DLEU7: variants seen among roughly 807,000 people sequenced by gnomAD.
DLEU7 encodes leukemia-associated protein 7.
DLEU7 carries 17 observed loss-of-function variants against 16.0 expected under a neutral mutation model. That is an observed-to-expected ratio of 1.06 (90% CI 0.73 to 1.59). The LOEUF (loss-of-function observed/expected upper bound fraction) is 1.59, where lower values mean the gene tolerates loss of function less well. DLEU7 is among the 40% of genes most tolerant of loss of function. The pLI is 0.00. For synonymous variants in DLEU7, 113 were observed against 139.8 expected, an observed-to-expected ratio of 0.81 and a Z score of 1.35; for missense variants, 308 against 314.9, an observed-to-expected ratio of 0.98 and a Z score of 0.17.
chr13:50,711,779 G>GGGGGGAGGC, downstream of DLEU7: 1 of 135,682 alleles, frequency 7.4e-6, no homozygotes, highest in African/African-American at 3.1e-5. Context: ...TGGCGGGGGC[G>GGGGGGAGGC]GGGGGCATTA....
At chr13:50,725,143 A>T (rs1593529031) in intron 1 of DLEU7, among the ~76,000 whole-genome samples, 1 of 152,056 alleles carries the variant, frequency 6.6e-6, no homozygotes, top group Admixed American at 6.6e-5. Flanking sequence ...GCCAGCAGTG[A>T]CCTACCTTGC....
chr13:50,766,783 G>A (rs1039572753), intron 1 of DLEU7, among the ~76,000 whole-genome samples: 11 of 152,022 alleles, frequency 7.2e-5, no homozygotes, highest in East Asian at 1.9e-4. Flanking sequence ...CCTAAGACTC[G>A]ACACACTTGA....
At chr13:50,796,084 C>CT (rs1876101532) in intron 1 of DLEU7, among the ~76,000 whole-genome samples, 1 of 151,942 alleles carries the variant, frequency 6.6e-6, no homozygotes, top group Non-Finnish European at 1.5e-5. Flanking sequence ...ATATTCCCCC[C>CT]TTATCTGAGG....
At chr13:50,749,854 T>C (rs777585137) in intron 1 of DLEU7, among the ~76,000 whole-genome samples, 1 of 152,224 alleles carries the variant, frequency 6.6e-6, no homozygotes, top group African/African-American at 2.4e-5. Context: ...GTCAGATGTA[T>C]AGATTGTGAA....
At chr13:50,741,359 TA>T (rs1874245719) in intron 1 of DLEU7, among the ~76,000 whole-genome samples, 1 of 152,172 alleles carries the variant, frequency 6.6e-6, no homozygotes, top group Non-Finnish European at 1.5e-5. Flanking sequence ...ATGAACCACC[TA>T]AATCAGAAAG....
intron 1 of DLEU7, among the ~76,000 whole-genome samples, chr13:50,780,065 C>G (rs572767517): frequency 6.6e-6 from 1 of 152,228 alleles, no homozygotes; most frequent in African/African-American, 2.4e-5. Flanking sequence ...AAGTTCTTCC[C>G]TGCAAAAGCT....
chr13:50,734,084 C>G (rs1873995763), intron 1 of DLEU7, among the ~76,000 whole-genome samples: 1 of 152,178 alleles, frequency 6.6e-6, no homozygotes, highest in Non-Finnish European at 1.5e-5. Flanking sequence ...TCTGGAAGTT[C>G]TGAATAATTT....
At chr13:50,838,027 A>G (rs1044806496) in intron 1 of DLEU7, among the ~76,000 whole-genome samples, 3 of 152,306 alleles carry the variant, frequency 2.0e-5, no homozygotes, top group South Asian at 4.1e-4. Context: ...GAAAATTGAT[A>G]GAAACAGGTC....
At chr13:50,832,886 T>C (rs778000443) in intron 1 of DLEU7, among the ~76,000 whole-genome samples, 29 of 151,680 alleles carry the variant, frequency 1.9e-4, no homozygotes, top group Non-Finnish European at 7.4e-5. Context: ...TGCTAAGGAG[T>C]GTTCAACATA....
Position 50,843,457 on chromosome 13 carries a change from CG to C in DLEU7, c.189del (p.Arg65AlafsTer26). 2 of 1,322,610 alleles carry C rather than the reference CG, an allele frequency of 1.5e-6. No individual in the cohort carries two copies. The highest frequency in any genetic ancestry group is 1.9e-6 in the Non-Finnish European group (2 of 1,043,608). 81.9% of individuals were successfully genotyped at this position (1,322,610 alleles called of 1,614,324 possible). ...ACGCCCCCGCCCCGCTCCTCGCGCC[CG>C]GGCCCCGGCCGGGCCCGCGGCGGGC... is the stretch of plus-strand genomic sequence containing the variant. ...RSGPPRARPG[P>X]GREERGGGVG... On this transcript the variant is annotated frameshift_variant, in exon 1 of 2. Transcript: ENST00000504404. LOFTEE classifies it high-confidence loss of function. This position sits in a 1 kb window ranked among gnomAD's most constrained non-coding sequence, Gnocchi z 5.7.
chr13:50,820,744 G>A (rs1170905076), downstream of DLEU7, among the ~76,000 whole-genome samples: 1 of 152,102 alleles, frequency 6.6e-6, no homozygotes, highest in Non-Finnish European at 1.5e-5. Context: ...CTATCTCATA[G>A]AAATATAATG....
rs59737244 is a variant in DLEU7, at chr13:50,814,678, TACACAC to T, written c.459+28504_459+28509del. Among the ~76,000 whole-genome samples, 741 of 140,304 alleles carry T rather than the reference TACACAC, an allele frequency of 5.3e-3. 4 individuals carry two copies. The highest frequency in any genetic ancestry group is 0.013 in the African/African-American group (488 of 38,204). 92.0% of individuals were successfully genotyped at this position (140,304 alleles called of 152,430 possible). A position where few individuals can be genotyped will look rare whatever the true frequency, so the allele number is the denominator to read the frequency against. ...TACAAATCTATACACTACATAGAAC[TACACAC>T]ACACACACACACACACACACACTCG... On this transcript the variant is annotated intron_variant, in intron 1 of 1. Coordinates refer to the DLEU7 transcript ENST00000400393.
In DLEU7 at chr13:50,817,300, C is replaced by A. The variant is rs1876762485; in HGVS notation, c.459+25888G>T. Among the ~76,000 whole-genome samples, 4 of 152,142 alleles carry A rather than the reference C, an allele frequency of 2.6e-5. No homozygotes were observed. In the South Asian group the frequency reaches 8.3e-4, roughly 31 times the overall value. On this transcript the variant is annotated intron_variant, in intron 1 of 1. Transcript: ENST00000400393. ...GTCTGCAAAAAGAGAAATTTATAAA[C>A]TATGGATCAGCTTCAAATACCATTT... is the stretch of plus-strand genomic sequence containing the variant.
At chr13:50,718,153 T>C (rs1456168964) in intron 1 of DLEU7, among the ~76,000 whole-genome samples, 1 of 152,232 alleles carries the variant, frequency 6.6e-6, no homozygotes, top group African/African-American at 2.4e-5. Flanking sequence ...TGTATCAATG[T>C]GCTCCAGGTT....
At chr13:50,781,197 A>C (rs1234438484) in intron 1 of DLEU7, among the ~76,000 whole-genome samples, 3 of 152,208 alleles carry the variant, frequency 2.0e-5, no homozygotes, top group Non-Finnish European at 4.4e-5. Context: ...TGAGAATCTC[A>C]AAGTGCTTTT....
chr13:50,738,962 TACACACACACACACACACACACACAC>T (rs55722607), intron 1 of DLEU7, among the ~76,000 whole-genome samples: 5 of 144,656 alleles, frequency 3.5e-5, no homozygotes, highest in Non-Finnish European at 6.1e-5. Flanking sequence ...TAAAAAATAA[TACACACACACACACACACACACACAC>T]ACACACACAC....
At chr13:50,838,302 G>A (rs1877537610) in intron 1 of DLEU7, among the ~76,000 whole-genome samples, 1 of 152,126 alleles carries the variant, frequency 6.6e-6, no homozygotes, top group African/African-American at 2.4e-5. Context: ...ATCTGCAAGG[G>A]CAAAAACGTT....
At chr13:50,755,181 T>G (rs2137738625) in intron 1 of DLEU7, among the ~76,000 whole-genome samples, 1 of 152,332 alleles carries the variant, frequency 6.6e-6, no homozygotes, top group African/African-American at 2.4e-5. Context: ...TGATGATCTT[T>G]TTGTGATGAA....
At chr13:50,806,663 C>T (rs1387561265) in intron 1 of DLEU7, among the ~76,000 whole-genome samples, 2 of 152,068 alleles carry the variant, frequency 1.3e-5, no homozygotes, top group South Asian at 2.1e-4. Context: ...TTTATCCTCA[C>T]ATTTTTCTGC....
Sources: gnomAD v4.1 joint callset for allele counts (sites outside exome capture counted in the v4.1 genomes callset) on GRCh38, gnomAD v4.1.1 for gene constraint, Gnocchi (gnomAD v3.1) non-coding constraint, MANE v1.5 for transcripts, NCBI Gene and HGNC (gene_info 2026-07-23, HGNC 2026-07-21) for gene names.